NRXN3: variants seen among roughly 807,000 people sequenced by gnomAD.
NRXN3 encodes the protein neurexin III.
A neutral mutation model predicts 137.6 loss-of-function variants in NRXN3; 32 were observed. The ratio of observed to expected loss-of-function variants is 0.23; its 90% CI spans 0.18 to 0.31. NRXN3 has a LOEUF of 0.31. NRXN3 is among the 10% of genes least tolerant of loss of function. The pLI is 1.00. For synonymous variants in NRXN3, 798 were observed against 784.5 expected (o/e 1.02, Z -0.29); for missense variants, 1,574 against 2,062.5 (o/e 0.76, Z 4.59).
chr14:79,058,440 G>A (rs2099668937), intron 15 of NRXN3, among the ~76,000 whole-genome samples: 1 of 152,062 alleles, frequency 6.6e-6, no homozygotes, highest in Admixed American at 6.6e-5. Context: ...GACATAAAAG[G>A]AGTCAGGAGA....
At chr14:78,647,647 G>A (rs182057405) in intron 5 of NRXN3, among the ~76,000 whole-genome samples, 5 of 152,308 alleles carry the variant, frequency 3.3e-5, no homozygotes, top group Admixed American at 3.3e-4. Context: ...TTAATCTTCT[G>A]TGAGAAAGTG....
intron 15 of NRXN3, among the ~76,000 whole-genome samples, chr14:79,467,015 T>G (rs1175667046): frequency 6.6e-6 from 1 of 152,244 alleles, no homozygotes; most frequent in Non-Finnish European, 1.5e-5. Context: ...ATCTGCTTTG[T>G]TATGCATTCA....
chr14:79,702,551 G>A (rs1000197018), intron 19 of NRXN3, among the ~76,000 whole-genome samples: 12 of 151,968 alleles, frequency 7.9e-5, no homozygotes, highest in Non-Finnish European at 2.9e-5. Context: ...TAAAAGCAGA[G>A]ATTATAATCT....
chr14:79,561,708 A>G (rs1174053328), intron 16 of NRXN3, among the ~76,000 whole-genome samples: 5 of 152,132 alleles, frequency 3.3e-5, no homozygotes, highest in Non-Finnish European at 7.4e-5. Context: ...ATCAAAAGGT[A>G]GCAGTTGGCA....
intron 10 of NRXN3, among the ~76,000 whole-genome samples, chr14:78,826,976 T>G (rs1475808154): frequency 6.6e-6 from 1 of 152,180 alleles, no homozygotes; most frequent in African/African-American, 2.4e-5. Context: ...ATTTTGCTAG[T>G]AAAAATAAGT....
intron 4 of NRXN3, among the ~76,000 whole-genome samples, chr14:78,375,152 A>G (rs2087585190): frequency 6.6e-6 from 1 of 152,200 alleles, no homozygotes; most frequent in Non-Finnish European, 1.5e-5. Context: ...ATTCCCTGCA[A>G]TTAAGCCTCT....
At chr14:78,781,450 C>T (rs968912871) in intron 8 of NRXN3, among the ~76,000 whole-genome samples, 13 of 152,052 alleles carry the variant, frequency 8.5e-5, no homozygotes, top group African/African-American at 2.2e-4. Flanking sequence ...TCTACTTGTT[C>T]GAATGTTTGA....
chr14:79,606,844 G>A (rs1187904452), intron 16 of NRXN3, among the ~76,000 whole-genome samples: 3 of 152,182 alleles, frequency 2.0e-5, no homozygotes, highest in East Asian at 1.9e-4. Flanking sequence ...AAAGAATAGC[G>A]TGGACACACA....
chr14:78,291,642 A>G (rs963515308), intron 3 of NRXN3, among the ~76,000 whole-genome samples: 5 of 152,080 alleles, frequency 3.3e-5, no homozygotes, highest in African/African-American at 1.2e-4. Flanking sequence ...CCCCTTCAGT[A>G]TCTACTGAGT....
intron 15 of NRXN3, among the ~76,000 whole-genome samples, chr14:79,390,044 G>A (rs957888350): frequency 5.9e-5 from 9 of 152,142 alleles, no homozygotes; most frequent in South Asian, 4.1e-4. Context: ...AGGTCCAGGA[G>A]CGGTGGCTCA....
chr14:79,159,171 T>G (rs1045149804), intron 15 of NRXN3, among the ~76,000 whole-genome samples: 2 of 151,856 alleles, frequency 1.3e-5, no homozygotes, highest in Admixed American at 6.6e-5. Context: ...TGCCATGACC[T>G]TTGTTCTTGA....
chr14:79,557,569 A>G (rs1283905037), intron 16 of NRXN3, among the ~76,000 whole-genome samples: 1 of 152,190 alleles, frequency 6.6e-6, no homozygotes, highest in Admixed American at 6.6e-5. Flanking sequence ...ATTTACGTTG[A>G]CATTCTACTG....
At chr14:78,284,846 AG>A (rs963041279) in intron 3 of NRXN3, among the ~76,000 whole-genome samples, 29 of 152,178 alleles carry the variant, frequency 1.9e-4, no homozygotes, top group Admixed American at 2.6e-4. Flanking sequence ...ACCAGTAAAA[AG>A]GGGCAAAGGA....
intron 15 of NRXN3, among the ~76,000 whole-genome samples, chr14:79,018,964 TC>T (rs1460905014): frequency 6.6e-6 from 1 of 152,208 alleles, no homozygotes; most frequent in Non-Finnish European, 1.5e-5. Flanking sequence ...TATTCATCCT[TC>T]AAGACTACTT....
chr14:79,326,668 A>T (rs2090921189), intron 15 of NRXN3, among the ~76,000 whole-genome samples: 1 of 152,200 alleles, frequency 6.6e-6, no homozygotes, highest in South Asian at 2.1e-4. Flanking sequence ...GGTGCCCAGA[A>T]ACTCTTCTTT....
intron 8 of NRXN3, among the ~76,000 whole-genome samples, chr14:78,778,678 T>TCTTC (rs1555489567): frequency 1.9e-4 from 22 of 114,524 alleles, no homozygotes; most frequent in African/African-American, 7.8e-4. Context: ...TTCTCTTTTC[T>TCTTC]TTTCTTTCTT....
At chr14:78,430,689 G>A (rs931926494) in intron 4 of NRXN3, among the ~76,000 whole-genome samples, 2 of 152,164 alleles carry the variant, frequency 1.3e-5, no homozygotes, top group South Asian at 2.1e-4. Context: ...TCATACCTCT[G>A]CCCTGCATAG....
intron 4 of NRXN3, among the ~76,000 whole-genome samples, chr14:78,492,781 T>C (rs941973756): frequency 6.6e-6 from 1 of 152,198 alleles, no homozygotes; most frequent in African/African-American, 2.4e-5. Flanking sequence ...TTATCCTTCA[T>C]TGTTGTTTTA....
chr14:78,865,545 T>C (rs1031147248), intron 10 of NRXN3, among the ~76,000 whole-genome samples: 2 of 152,196 alleles, frequency 1.3e-5, no homozygotes, highest in African/African-American at 4.8e-5. Context: ...AATGTAAATA[T>C]GGCTAATACA....
Sources: allele counts gnomAD v4.1 joint callset (sites outside exome capture counted in the v4.1 genomes callset), GRCh38; gene constraint gnomAD v4.1.1; transcripts MANE v1.5; gene names NCBI Gene and HGNC (gene_info 2026-07-23, HGNC 2026-07-21).